The following MYCBP2 variants were observed in gnomAD, a reference collection of about 807,000 sequenced individuals.
MYCBP2 encodes the protein MYC binding protein 2.
Under a neutral mutation model 525.3 loss-of-function variants are expected in MYCBP2, and 120 were observed. That is an observed-to-expected ratio of 0.23 (90% CI 0.20 to 0.27). The LOEUF (loss-of-function observed/expected upper bound fraction) is 0.27. MYCBP2 is among the 10% of genes least tolerant of loss of function. The pLI is 1.00. For missense variants in MYCBP2, 4,149 were observed against 5,657.1 expected, an observed-to-expected ratio of 0.73 and a Z score of 8.55; for synonymous variants, 1,894 against 1,955.8, an observed-to-expected ratio of 0.97 and a Z score of 0.83.
chr13:77,260,279 T>G, intron 13 of MYCBP2, 149 bp downstream of exon 13: 1 of 582,302 alleles, frequency 1.7e-6, no homozygotes, highest in Non-Finnish European at 2.8e-6. Context: ...GACAGAAAAT[T>G]TCTCTTTCGA....
At chr13:77,095,306 C>A in intron 58 of MYCBP2, 52 bp downstream of exon 58, 1 of 1,598,008 alleles carries the variant, frequency 6.3e-7, no homozygotes, top group Non-Finnish European at 8.5e-7. Flanking sequence ...TATCAATAAA[C>A]AATCGCTGTT....
rs887365256 is a variant in MYCBP2 at position 77,064,444 on chromosome 13, C to T, written c.12672+171G>A. Among the ~76,000 whole-genome samples, 6 of 152,156 alleles carry T rather than the reference C, an allele frequency of 3.9e-5. 1 individual carries two copies. The highest frequency in any genetic ancestry group is 7.4e-5 in the Non-Finnish European group (5 of 68,024). On this transcript the variant is annotated intron_variant, in intron 73 of 82. Coordinates refer to ENST00000544440, the MANE Select transcript of MYCBP2 (RefSeq NM_015057.5). ...CAGAACACATAACAGTGAGAAGTAA[C>T]GACTAGTTCATAATATAAAAGCCCT...
At chr13:77,160,801 T>G (rs896127198) in intron 44 of MYCBP2, among the ~76,000 whole-genome samples, 1 of 152,194 alleles carries the variant, frequency 6.6e-6, no homozygotes, top group South Asian at 2.1e-4. Flanking sequence ...ATGGCAGAAT[T>G]AGAAAAACTA....
At chr13:77,314,148 T>A (rs1323552261) in intron 1 of MYCBP2, among the ~76,000 whole-genome samples, 1 of 152,216 alleles carries the variant, frequency 6.6e-6, no homozygotes, top group Non-Finnish European at 1.5e-5. Context: ...ACAATCACTG[T>A]TTCTGGTATT....
rs148650890 is a variant in MYCBP2, at chr13:77,263,724, A to T, written c.1497T>A (p.Leu499=). ...TEPVLQQELQ[L]KLARKCLHAC... is the part of the protein sequence containing the mutation. Reference sequence around the variant, plus strand: ...CATGTAAGCATTTTCTAGCCAGTTTAAGTTGCAATTCTTGCTGTAGAACAG... The same window carrying T: ...CATGTAAGCATTTTCTAGCCAGTTTTAGTTGCAATTCTTGCTGTAGAACAG... The change falls in exon 10 of 83, where the codon CTT becomes CTA. Residue 499 remains leucine, a synonymous_variant. Transcript: ENST00000544440. The T allele has an allele frequency of 7.4e-6, 12 of 1,613,212 alleles. No homozygotes were observed. Among genetic ancestry groups the T allele is most frequent in the Non-Finnish European group, 1.0e-5 (12 of 1,179,440 alleles).
At chr13:77,269,175 C>T (rs1715680963) in intron 7 of MYCBP2, among the ~76,000 whole-genome samples, 1 of 152,208 alleles carries the variant, frequency 6.6e-6, no homozygotes, top group Non-Finnish European at 1.5e-5. Context: ...AAACCCAGGG[C>T]TTTTCTTTCT....
chr13:77,125,583 C>T, intron 53 of MYCBP2, 115 bp from the exon 54 acceptor site: 1 of 1,140,328 alleles, frequency 8.8e-7, no homozygotes, highest in Non-Finnish European at 1.2e-6. Flanking sequence ...TACATTTCTA[C>T]TAAGAAATTA....
At chr13:77,090,049 A>G (rs1450041322) in intron 60 of MYCBP2, 57 bp downstream of exon 60, 2 of 1,408,342 alleles carry the variant, frequency 1.4e-6, no homozygotes, top group Non-Finnish European at 1.9e-6. Flanking sequence ...AAATAAAACA[A>G]TTTTTTTATT....
At chr13:77,294,196 A>G (rs2077932563) in intron 2 of MYCBP2, among the ~76,000 whole-genome samples, 1 of 142,026 alleles carries the variant, frequency 7.0e-6, no homozygotes, top group African/African-American at 2.5e-5. Context: ...ATGCCAGCTA[A>G]ATGGCATTTT....
Position 77,143,365 on chromosome 13 carries a change from G to A in MYCBP2, c.7303+1080C>T, listed in dbSNP as rs991323245. Among the ~76,000 whole-genome samples, 13 of 152,270 alleles carry A rather than the reference G, an allele frequency of 8.5e-5. No individual in the cohort carries two copies. The East Asian group carries it at 1.5e-3, about 18-fold the overall frequency. ...GAGCAAACAAAAACAGAGGAGAGGT[G>A]AATGTATTTCTATTTTTTGGAGCTT... is the stretch of plus-strand genomic sequence containing the variant. On this transcript the variant is annotated intron_variant, in intron 49 of 82. Coordinates refer to ENST00000544440, the MANE Select transcript of MYCBP2 (RefSeq NM_015057.5).
At chr13:77,109,156 T>C (rs901933145) in intron 55 of MYCBP2, among the ~76,000 whole-genome samples, 5 of 152,134 alleles carry the variant, frequency 3.3e-5, no homozygotes, top group African/African-American at 1.2e-4. Flanking sequence ...TTTCCTTAGT[T>C]CTCTAACACA....
rs75684723 is a variant in MYCBP2 at position 77,135,067 on chromosome 13, T to G, written c.7659+4129A>C. ...TTCCTCTCTCTATAGTTTGTTTGAG[T>G]TGGGATCCAAATAACGTGCACACAT... On this transcript the variant is annotated intron_variant, in intron 52 of 82. Transcript: ENST00000544440. Among the ~76,000 whole-genome samples, 189 of 152,316 alleles carry G rather than the reference T, an allele frequency of 1.2e-3. 2 individuals are homozygous for G. Among genetic ancestry groups the G allele is most frequent in the African/African-American group, 4.5e-3 (188 of 41,570 alleles).
At chr13:77,139,432 C>A in intron 51 of MYCBP2, 96 bp from the exon 52 acceptor site, 1 of 1,332,848 alleles carries the variant, frequency 7.5e-7, no homozygotes, top group South Asian at 1.7e-5. Flanking sequence ...AATGATGGTG[C>A]ATGTGCAGAT....
chr13:77,085,380 T>C (rs2044067557), intron 62 of MYCBP2, among the ~76,000 whole-genome samples: 1 of 152,160 alleles, frequency 6.6e-6, no homozygotes. Flanking sequence ...CCATAGACAT[T>C]TGTGTGTATC....
chr13:77,156,240 C>A, intron 45 of MYCBP2, 38 bp from the exon 46 acceptor site: 2 of 1,571,066 alleles, frequency 1.3e-6, no homozygotes, highest in Non-Finnish European at 1.7e-6. Context: ...AAACCCCAAA[C>A]ACTGATCAGC....
In MYCBP2 at chr13:77,045,160, G is replaced by A. The variant is rs1026394242; in HGVS notation, c.*218C>T. ...CATGCAAACACCTCACAAGTTTGAT[G>A]TCATTTGTTCAAAAGAAGATAAACC... is the stretch of plus-strand genomic sequence containing the variant. On this transcript the variant is annotated 3_prime_UTR_variant, in exon 83 of 83. Coordinates refer to ENST00000544440, the MANE Select transcript of MYCBP2 (RefSeq NM_015057.5). 1 of 467,582 alleles carries A rather than the reference G, an allele frequency of 2.1e-6. No homozygotes were observed. Among genetic ancestry groups the A allele is most frequent in the African/African-American group, 2.0e-5 (1 of 50,994 alleles). 29.0% of individuals were successfully genotyped at this position (467,582 alleles called of 1,614,324 possible).
chr13:77,137,138 T>C (rs1351590543), intron 52 of MYCBP2, among the ~76,000 whole-genome samples: 2 of 152,164 alleles, frequency 1.3e-5, no homozygotes, highest in African/African-American at 2.4e-5. Context: ...CCTCTAACCT[T>C]TGTTACTCCC....
chr13:77,074,127 C>T (rs1381177031), intron 68 of MYCBP2, among the ~76,000 whole-genome samples: 1 of 150,432 alleles, frequency 6.6e-6, no homozygotes, highest in Admixed American at 6.7e-5. Flanking sequence ...GATATCAAGA[C>T]TTTTTATAAA....
At chr13:77,180,072 G>A (rs1049049121) in intron 34 of MYCBP2, 55 bp downstream of exon 34, 194 of 1,402,838 alleles carry the variant, frequency 1.4e-4, no homozygotes, top group Non-Finnish European at 1.4e-5. Context: ...AAAAGAAACT[G>A]TGTAAAAAAC....
Sources: allele counts gnomAD v4.1 joint callset (sites outside exome capture counted in the v4.1 genomes callset), GRCh38; gene constraint gnomAD v4.1.1; transcripts MANE v1.5; gene names NCBI Gene and HGNC (gene_info 2026-07-23, HGNC 2026-07-21).